The following ZSCAN29 variants were observed in gnomAD, a reference collection of about 807,000 sequenced individuals.
The protein encoded by ZSCAN29 is zinc finger and SCAN domain containing 29, also known as zinc finger and SCAN domain-containing protein 29.
A neutral mutation model predicts 71.9 loss-of-function variants in ZSCAN29; 55 were observed. That is an observed-to-expected ratio of 0.76 (90% CI 0.62 to 0.96). The LOEUF (loss-of-function observed/expected upper bound fraction) is 0.96. Ranked by LOEUF, ZSCAN29 falls within the 40% of genes least tolerant of loss-of-function variation. The probability of loss-of-function intolerance (pLI) is 0.00; values close to 1 mark genes in which losing one functional copy is unlikely to be tolerated. For missense variants in ZSCAN29, 1,042 were observed against 1,042.2 expected (o/e 1.00, Z 0.00); for synonymous variants, 351 against 371.6 (o/e 0.94, Z 0.64).
In ZSCAN29 at chr15:43,359,104, T is replaced by C. The variant is rs2043958367; in HGVS notation, c.*1969A>G. ...TATGGAAAGTTCTTCCTATCATAATTTAACCAGTAACCTTCCCTCCTTTGA... is the reference window on the plus strand; with the variant it reads ...TATGGAAAGTTCTTCCTATCATAATCTAACCAGTAACCTTCCCTCCTTTGA... On this transcript the variant is annotated 3_prime_UTR_variant, in exon 6 of 6. Coordinates refer to ENST00000684362, the MANE Select transcript of ZSCAN29 (RefSeq NM_001372080.1). 6.6e-6 allele frequency: 1 copy of C among 152,214 alleles called. No individual in the cohort carries two copies. The highest frequency in any genetic ancestry group is 1.5e-5 in the Non-Finnish European group (1 of 68,042). 9.4% of individuals were successfully genotyped at this position (152,214 alleles called of 1,614,324 possible).
chr15:43,366,901 A>G (rs971371392), intron 3 of ZSCAN29, 93 bp from the exon 4 acceptor site: 18 of 1,228,080 alleles, frequency 1.5e-5, no homozygotes, highest in African/African-American at 4.5e-5. Flanking sequence ...ATCCAAGAGG[A>G]TTATAAACAA....
chr15:43,369,395 A>G, intron 2 of ZSCAN29: 1 of 626,838 alleles, frequency 1.6e-6, no homozygotes, highest in East Asian at 2.9e-5. Flanking sequence ...ACTATAGGAA[A>G]AACTCATTAT....
intron 2 of ZSCAN29, chr15:43,369,349 T>C (rs980585018): frequency 1.2e-5 from 7 of 591,680 alleles, no homozygotes; most frequent in Non-Finnish European, 1.7e-5. Flanking sequence ...ACCTTCAGGC[T>C]GAAAAAAAAA....
At chr15:43,370,451 G>A (rs1217950140) in intron 1 of ZSCAN29, 107 bp downstream of exon 1, 2 of 152,730 alleles carry the variant, frequency 1.3e-5, no homozygotes, top group African/African-American at 4.8e-5. Flanking sequence ...CGCCCCCTCG[G>A]GCTGCACAAC....
Position 43,366,371 on chromosome 15 carries a change from A to C in ZSCAN29, c.961T>G (p.Cys321Gly). Residue 321 changes from cysteine (C) to glycine (G), a missense_variant, in exon 4 of 6, where the codon TGC becomes GGC. Transcript: ENST00000684362. ...KVKSGHPPET[C>G]PFFEEMEALM... is the part of the protein sequence containing the mutation. ...GCTTCCATCTCTTCAAAGAAGGGGC[A>C]GGTCTCAGGTGGGTGGCCGCTCTTG... 6.2e-7 allele frequency: 1 copy of C among 1,614,012 alleles called. No homozygotes were observed. Among genetic ancestry groups the C allele is most frequent in the Non-Finnish European group, 8.5e-7 (1 of 1,180,038 alleles).
chr15:43,359,596 T>A lies in ZSCAN29; in HGVS notation c.*1477A>T, dbSNP rs900226531. The A allele has an allele frequency of 2.6e-5, 4 of 152,260 alleles. No homozygotes were observed. Among genetic ancestry groups the A allele is most frequent in the African/African-American group, 9.6e-5 (4 of 41,476 alleles). 9.4% of individuals were successfully genotyped at this position (152,260 alleles called of 1,614,324 possible). A position where few individuals can be genotyped will look rare whatever the true frequency, so the allele number is the denominator to read the frequency against. ...ACGGGAATGTGGCAGTGGCTTCTGCTTATTGCAGGTAAGTGCCCATGGAGG... is the reference window on the plus strand; with the variant it reads ...ACGGGAATGTGGCAGTGGCTTCTGCATATTGCAGGTAAGTGCCCATGGAGG... On this transcript the variant is annotated 3_prime_UTR_variant, in exon 6 of 6. Coordinates refer to ENST00000684362, the MANE Select transcript of ZSCAN29 (RefSeq NM_001372080.1).
Position 43,361,717 on chromosome 15 carries a change from G to A in ZSCAN29, c.1915C>T (p.Leu639=). ...CCCAAGCAAGGTCTCTGTTGACTTA[G>A]GACTTCACTTAAGCTCTTCTCCGGG... is the stretch of plus-strand genomic sequence containing the variant. ...TLPEKSLSEV[L]SQQRPCLGER... is the part of the protein sequence containing the mutation. The change falls in exon 6 of 6, where the codon CTA becomes TTA. Residue 639 remains leucine, a synonymous_variant. Coordinates refer to ENST00000684362, the MANE Select transcript of ZSCAN29 (RefSeq NM_001372080.1). The A allele has an allele frequency of 6.2e-7, 1 of 1,614,162 alleles. No homozygotes were observed. Among genetic ancestry groups the A allele is most frequent in the Non-Finnish European group, 8.5e-7 (1 of 1,180,032 alleles).
chr15:43,366,561 G>C lies in ZSCAN29; in HGVS notation c.771C>G (p.Leu257=), dbSNP rs1282206205. The change falls in exon 4 of 6, where the codon CTC becomes CTG. Residue 257 remains leucine (L), a synonymous_variant. Coordinates refer to ENST00000684362, the MANE Select transcript of ZSCAN29 (RefSeq NM_001372080.1). ...AAAACTCAGTCTGGCTGAGAATTGC[G>C]AGGAGCGTTCTGGTCTCTTCATAGC... is the stretch of plus-strand genomic sequence containing the variant. ...HWGYEETRTL[L]AILSQTEFYE... 1 of 1,614,208 alleles carries C rather than the reference G, an allele frequency of 6.2e-7. No individual in the cohort carries two copies.
chr15:43,366,374 TC>T lies in ZSCAN29; in HGVS notation c.957del (p.Thr320ProfsTer11). ...YRKVKSGHPP[E>X]TCPFFEEMEA... ...TCCATCTCTTCAAAGAAGGGGCAGG[TC>T]TCAGGTGGGTGGCCGCTCTTGACTT... On this transcript the variant is annotated frameshift_variant, in exon 4 of 6. Coordinates refer to ENST00000684362, the MANE Select transcript of ZSCAN29 (RefSeq NM_001372080.1). LOFTEE classifies it high-confidence loss of function. The T allele has an allele frequency of 6.2e-7, 1 of 1,613,956 alleles. No individual in the cohort carries two copies. The highest frequency in any genetic ancestry group is 1.1e-5 in the South Asian group (1 of 91,058).
chr15:43,365,304 A>G (rs2044024933), intron 4 of ZSCAN29, among the ~76,000 whole-genome samples: 1 of 152,236 alleles, frequency 6.6e-6, no homozygotes, highest in Non-Finnish European at 1.5e-5. Context: ...TGCTCTTTCC[A>G]TAACAGCATA....
Position 43,359,537 on chromosome 15 carries a change from C to T in ZSCAN29, c.*1536G>A, listed in dbSNP as rs575985638. Reference sequence around the variant, plus strand: ...TCTTCCCTGCCATTAGGGTAAAGGGCCTGTTCGCACACAGTAGTCCATTTT... The same window carrying T: ...TCTTCCCTGCCATTAGGGTAAAGGGTCTGTTCGCACACAGTAGTCCATTTT... On this transcript the variant is annotated 3_prime_UTR_variant, in exon 6 of 6. Transcript: ENST00000684362. The T allele has an allele frequency of 1.3e-5, 2 of 152,374 alleles. No homozygotes were observed. The highest frequency in any genetic ancestry group is 6.5e-5 in the Admixed American group (1 of 15,308). 9.4% of individuals were successfully genotyped at this position (152,374 alleles called of 1,614,324 possible).
chr15:43,363,371 T>G (rs560593350), intron 5 of ZSCAN29, among the ~76,000 whole-genome samples: 2 of 152,336 alleles, frequency 1.3e-5, no homozygotes, highest in South Asian at 2.1e-4. Context: ...AGAACTCTTC[T>G]CACAAGGATG....
chr15:43,361,083 GCTGA>G lies in ZSCAN29; in HGVS notation c.2545_2548del (p.Ser849LeufsTer20). The G allele has an allele frequency of 1.9e-6, 3 of 1,596,442 alleles. No individual in the cohort carries two copies. Among genetic ancestry groups the G allele is most frequent in the Non-Finnish European group, 2.6e-6 (3 of 1,168,284 alleles). The stretch of plus-strand genomic sequence containing the variant: ...TATATCCTCAGGGGCTTACTTGGGA[GCTGA>G]CTGTGTCAGAAGCTTTTCCCGTGCA... On this transcript the variant is annotated frameshift_variant, in exon 6 of 6. Transcript: ENST00000684362. LOFTEE classifies it high-confidence loss of function.
Position 43,359,045 on chromosome 15 carries a change from C to G in ZSCAN29, c.*2028G>C, listed in dbSNP as rs910361100. 5 of 152,216 alleles carry G rather than the reference C, an allele frequency of 3.3e-5. No homozygotes were observed. The highest frequency in any genetic ancestry group is 9.7e-5 in the African/African-American group (4 of 41,436). The allele number at this position is 152,216 out of a possible 1,614,324, so 9.4% of individuals were successfully genotyped here. ...ACCTTGCTCCCCCTTTTTCCCATTC[C>G]TCAACCCACCCAGCACTCAATTTTG... On this transcript the variant is annotated 3_prime_UTR_variant, in exon 6 of 6. Coordinates refer to ENST00000684362, the MANE Select transcript of ZSCAN29 (RefSeq NM_001372080.1).
rs777940884 is a variant in ZSCAN29, at chr15:43,361,217, TA to T, written c.2414del (p.Leu805TyrfsTer42). The T allele has an allele frequency of 6.2e-7, 1 of 1,613,620 alleles. No homozygotes were observed. Among genetic ancestry groups the T allele is most frequent in the Admixed American group, 1.7e-5 (1 of 59,966 alleles). On this transcript the variant is annotated frameshift_variant, in exon 6 of 6. Coordinates refer to ENST00000684362, the MANE Select transcript of ZSCAN29 (RefSeq NM_001372080.1). LOFTEE classifies it high-confidence loss of function. ...CGKSFSKSSD[L>X]RAHHRTHTGE... ...CTGTGTGGGTTCTATGATGTGCACG[TA>T]AGTCAGAACTCTTACTGAAACTCTT...
chr15:43,363,097 C>T (rs2043998912), intron 5 of ZSCAN29, among the ~76,000 whole-genome samples: 1 of 152,086 alleles, frequency 6.6e-6, no homozygotes, highest in Non-Finnish European at 1.5e-5. Context: ...CCTGCCTCAG[C>T]CACCCAAGTA....
chr15:43,368,269 T>TA lies in ZSCAN29; in HGVS notation c.523+653dup, dbSNP rs1350611084. ...GGCCGGGCGCGGTGGCTCACGCCTG[T>TA]AATCCCAGCACTTTGGGAGGCCGAG... On this transcript the variant is annotated intron_variant, in intron 3 of 5. Coordinates refer to ENST00000684362, the MANE Select transcript of ZSCAN29 (RefSeq NM_001372080.1). Among the ~76,000 whole-genome samples, 4 of 107,474 alleles carry TA rather than the reference T, an allele frequency of 3.7e-5. 1 individual carries two copies. The highest frequency in any genetic ancestry group is 4.9e-5 in the Non-Finnish European group (3 of 61,520). 70.5% of individuals were successfully genotyped at this position (107,474 alleles called of 152,430 possible). A position where few individuals can be genotyped will look rare whatever the true frequency, so the allele number is the denominator to read the frequency against.
intron 3 of ZSCAN29, among the ~76,000 whole-genome samples, chr15:43,367,528 A>G (rs1165850923): frequency 6.6e-6 from 1 of 152,204 alleles, no homozygotes; most frequent in Admixed American, 6.5e-5. Context: ...AGTGCCCTCA[A>G]GAAGCCTTAC....
chr15:43,367,658 A>G (rs1887821825), intron 3 of ZSCAN29, among the ~76,000 whole-genome samples: 1 of 152,152 alleles, frequency 6.6e-6, no homozygotes, highest in African/African-American at 2.4e-5. Flanking sequence ...AGAGTTAGCT[A>G]TAGTGTTCTC....
Sources: gnomAD v4.1 joint callset for allele counts (sites outside exome capture counted in the v4.1 genomes callset) on GRCh38, gnomAD v4.1.1 for gene constraint, MANE v1.5 for transcripts, NCBI Gene and HGNC (gene_info 2026-07-23, HGNC 2026-07-21) for gene names.